SOX6: variants seen among roughly 807,000 people sequenced by gnomAD.
The protein encoded by SOX6 is transcription factor SOX-6.
Under a neutral mutation model 97.8 loss-of-function variants are expected in SOX6, and 11 were observed. The ratio of observed to expected loss-of-function variants is 0.11; its 90% CI spans 0.07 to 0.19. The LOEUF (loss-of-function observed/expected upper bound fraction) is 0.19. Among genes scored for constraint, SOX6 ranks in the 10% least tolerant of loss-of-function variants. SOX6 has a pLI of 1.00. For synonymous variants in SOX6, 360 were observed against 371.4 expected (o/e 0.97, Z 0.35); for missense variants, 810 against 1,039.5 (o/e 0.78, Z 3.04).
At chr11:16,724,851 A>C (rs1284674016) in intron 2 of SOX6, among the ~76,000 whole-genome samples, 1 of 152,222 alleles carries the variant, frequency 6.6e-6, no homozygotes, top group Non-Finnish European at 1.5e-5. Flanking sequence ...TGTTTATAAT[A>C]AAAAAGATGA....
intron 4 of SOX6, among the ~76,000 whole-genome samples, chr11:16,520,504 T>A (rs1861042276): frequency 6.6e-6 from 1 of 152,184 alleles, no homozygotes; most frequent in African/African-American, 2.4e-5. Flanking sequence ...CGAGCCAAGA[T>A]GGCCAAATAG....
At chr11:16,542,429 G>A (rs918685646) in intron 4 of SOX6, among the ~76,000 whole-genome samples, 4 of 152,072 alleles carry the variant, frequency 2.6e-5, no homozygotes, top group African/African-American at 7.2e-5. Flanking sequence ...AAACCTGCAC[G>A]TTATGCAGAT....
chr11:16,507,310 GA>G (rs1860804807), intron 4 of SOX6, among the ~76,000 whole-genome samples: 1 of 151,944 alleles, frequency 6.6e-6, no homozygotes, highest in Admixed American at 6.6e-5. Context: ...AGCTGTATAA[GA>G]AAAGACTAAT....
At chr11:15,983,028 C>T (rs983966413) in intron 15 of SOX6, among the ~76,000 whole-genome samples, 1 of 151,970 alleles carries the variant, frequency 6.6e-6, no homozygotes, top group African/African-American at 2.4e-5. Context: ...TTGAAACCAG[C>T]TATGTGTCCA....
intron 4 of SOX6, among the ~76,000 whole-genome samples, chr11:16,513,128 G>A (rs1489186767): frequency 6.6e-6 from 1 of 152,190 alleles, no homozygotes; most frequent in Non-Finnish European, 1.5e-5. Flanking sequence ...AAGTGATAGA[G>A]ACAAAAAGAA....
intron 4 of SOX6, among the ~76,000 whole-genome samples, chr11:16,499,078 T>C (rs1156535505): frequency 2.0e-5 from 3 of 152,084 alleles, no homozygotes; most frequent in Admixed American, 1.3e-4. Context: ...CCGCAGCAAA[T>C]GTAAAAGAAC....
chr11:16,387,299 C>G (rs1858017585), intron 1 of SOX6, among the ~76,000 whole-genome samples: 1 of 151,818 alleles, frequency 6.6e-6, no homozygotes, highest in South Asian at 2.1e-4. Context: ...TAGTCAATTA[C>G]CAGATATTGC....
At chr11:16,438,901 A>G (rs1234480413) in intron 1 of SOX6, among the ~76,000 whole-genome samples, 1 of 152,106 alleles carries the variant, frequency 6.6e-6, no homozygotes, top group Non-Finnish European at 1.5e-5. Flanking sequence ...CACAGAAGTA[A>G]CCTTATAATA....
In SOX6 at chr11:16,666,523, C is replaced by T. The variant is rs185627185; in HGVS notation, n.429+48307G>A. Among the ~76,000 whole-genome samples, 576 of 152,126 alleles carry T rather than the reference C, an allele frequency of 3.8e-3. 5 individuals carry two copies. Among genetic ancestry groups the T allele is most frequent in the African/African-American group, 0.013 (551 of 41,506 alleles). On this transcript the variant is annotated intron_variant and non_coding_transcript_variant, in intron 3 of 5. Transcript: ENST00000524520. ...GACAGGCTATTTGAAAATATATAGT[C>T]GGCTGGGTGTGATGGCTCATGTCTG...
intron 13 of SOX6, among the ~76,000 whole-genome samples, chr11:16,014,373 CCAAA>C (rs1564907788): frequency 6.6e-6 from 1 of 152,014 alleles, no homozygotes; most frequent in Non-Finnish European, 1.5e-5. Context: ...TGGGCCTTCC[CCAAA>C]CAATTATTAA....
chr11:16,132,445 AAAGAAAGAAAG>A (rs1849828937), intron 6 of SOX6, among the ~76,000 whole-genome samples: 1 of 11,882 alleles, frequency 8.4e-5, no homozygotes, highest in African/African-American at 3.6e-4. Context: ...AAGAAAGAAA[AAAGAAAGAAAG>A]AAAGAAAGAA....
intron 1 of SOX6, among the ~76,000 whole-genome samples, chr11:16,380,159 ATC>A (rs897810270): frequency 8.9e-4 from 136 of 152,026 alleles, no homozygotes; most frequent in African/African-American, 3.1e-3. Flanking sequence ...TCTATATAAT[ATC>A]TGTTACTTTT....
intron 3 of SOX6, among the ~76,000 whole-genome samples, chr11:16,634,861 A>G (rs1020033220): frequency 3.3e-5 from 5 of 152,138 alleles, no homozygotes; most frequent in Non-Finnish European, 7.3e-5. Context: ...AGTTACCTCC[A>G]TGCTGTTCTC....
At chr11:16,098,039 C>A (rs1848845593) in intron 7 of SOX6, among the ~76,000 whole-genome samples, 1 of 151,726 alleles carries the variant, frequency 6.6e-6, no homozygotes, top group Non-Finnish European at 1.5e-5. Flanking sequence ...AGCATTAAGG[C>A]TTTTATATTA....
At position 16,291,229 on chromosome 11, in the gene SOX6, TTATATATATA is replaced by T. The variant is rs10529279; in HGVS notation, c.445+27207_445+27216del. Among the ~76,000 whole-genome samples, 529 of 143,382 alleles carry T rather than the reference TTATATATATA, an allele frequency of 3.7e-3. 2 individuals carry two copies. The highest frequency in any genetic ancestry group is 0.013 in the African/African-American group (491 of 37,578). The allele number at this position is 143,382 out of a possible 152,430, so 94.1% of individuals were successfully genotyped here. On this transcript the variant is annotated intron_variant, in intron 3 of 15. Transcript: ENST00000683767. ...AACTTCCTCTCATTTTTCTATAAAT[TTATATATATA>T]TATATATATATATATATATATATAT...
intron 4 of SOX6, among the ~76,000 whole-genome samples, chr11:16,497,100 G>C (rs1860613278): frequency 6.6e-6 from 1 of 152,124 alleles, no homozygotes; most frequent in South Asian, 2.1e-4. Context: ...AAACGGCTGG[G>C]TACTCCTCTG....
intron 3 of SOX6, among the ~76,000 whole-genome samples, chr11:16,279,897 T>C (rs1310401732): frequency 6.6e-6 from 1 of 152,134 alleles, no homozygotes; most frequent in Non-Finnish European, 1.5e-5. Flanking sequence ...ATACTAACTC[T>C]TGAAAAATCT....
intron 2 of SOX6, among the ~76,000 whole-genome samples, chr11:16,728,721 G>A (rs576824572): frequency 2.2e-4 from 33 of 152,298 alleles, no homozygotes; most frequent in Middle Eastern, 6.8e-3. Flanking sequence ...AAACCTGGAT[G>A]GAGAATGAGT....
At chr11:16,539,235 A>G (rs964205535) in intron 4 of SOX6, among the ~76,000 whole-genome samples, 4 of 152,232 alleles carry the variant, frequency 2.6e-5, no homozygotes, top group Non-Finnish European at 5.9e-5. Context: ...CTGGGTAAAT[A>G]ACGAAGGCAG....
Sources: gnomAD v4.1 joint callset for allele counts (sites outside exome capture counted in the v4.1 genomes callset) on GRCh38, gnomAD v4.1.1 for gene constraint, MANE v1.5 for transcripts, NCBI Gene and HGNC (gene_info 2026-07-23, HGNC 2026-07-21) for gene names.